FGF14: variants seen among roughly 807,000 people sequenced by gnomAD.
The protein encoded by FGF14 is fibroblast growth factor homologous factor 4.
In FGF14, 5 loss-of-function variants were observed where a neutral mutation model predicts 25.5. The observed-to-expected ratio is 0.20, with a 90% CI of 0.10 to 0.41. The LOEUF (loss-of-function observed/expected upper bound fraction) is 0.41, where lower values mean the gene tolerates loss of function less well. Ranked by LOEUF, FGF14 falls within the 10% of genes least tolerant of loss-of-function variation. The pLI, the probability that FGF14 is intolerant of heterozygous loss-of-function variation, is 1.00. For synonymous variants in FGF14, 138 were observed against 118.3 expected (o/e 1.17, Z -1.08); for missense variants, 222 against 320.1 (o/e 0.69, Z 2.34).
intron 1 of FGF14, among the ~76,000 whole-genome samples, chr13:102,383,493 G>GTA (rs2139187682): frequency 6.6e-6 from 1 of 152,228 alleles, no homozygotes; most frequent in East Asian, 1.9e-4. Context: ...ACTTAAAAAT[G>GTA]TACCCAACTT....
intron 1 of FGF14, among the ~76,000 whole-genome samples, chr13:101,908,521 C>G (rs565715437): frequency 6.6e-6 from 1 of 152,164 alleles, no homozygotes; most frequent in East Asian, 1.9e-4. Flanking sequence ...TTGTTAAATA[C>G]ATTAATAATT....
chr13:101,908,214 G>A (rs1011573245), intron 1 of FGF14, among the ~76,000 whole-genome samples: 7 of 152,130 alleles, frequency 4.6e-5, no homozygotes, highest in East Asian at 1.9e-4. Context: ...ATGTGTCTGC[G>A]TATTTTTCTT....
intron 1 of FGF14, among the ~76,000 whole-genome samples, chr13:101,899,237 C>G (rs770635036): frequency 4.6e-5 from 7 of 152,024 alleles, no homozygotes; most frequent in Non-Finnish European, 8.8e-5. Context: ...ACGATAAAAT[C>G]ATAGCTTCTA....
intron 1 of FGF14, among the ~76,000 whole-genome samples, chr13:102,177,916 GA>G (rs1317913523): frequency 1.3e-5 from 2 of 151,966 alleles, no homozygotes; most frequent in African/African-American, 4.8e-5. Flanking sequence ...AAGTATATAT[GA>G]AAATATCACA....
At chr13:102,201,624 T>C (rs940869471) in intron 1 of FGF14, among the ~76,000 whole-genome samples, 6 of 152,148 alleles carry the variant, frequency 3.9e-5, no homozygotes, top group African/African-American at 1.4e-4. Context: ...AAACCTTAGA[T>C]GGTCCAGAAA....
intron 1 of FGF14, among the ~76,000 whole-genome samples, chr13:102,378,625 ATC>A (rs200079360): frequency 0.043 from 5,935 of 137,570 alleles, 203 homozygotes; most frequent in East Asian, 0.088. Flanking sequence ...CTATCTATCT[ATC>A]TATCTATATA....
At chr13:102,126,475 C>A (rs1362366711) in intron 1 of FGF14, among the ~76,000 whole-genome samples, 1 of 152,158 alleles carries the variant, frequency 6.6e-6, no homozygotes, top group Admixed American at 6.6e-5. Flanking sequence ...TGTTGATGGA[C>A]ATTTAGTTTC....
At chr13:101,965,615 GT>G (rs2037141424) in intron 1 of FGF14, among the ~76,000 whole-genome samples, 1 of 150,738 alleles carries the variant, frequency 6.6e-6, no homozygotes, top group Non-Finnish European at 1.5e-5. Context: ...AGAATAAAAC[GT>G]TGTTTTCCAG....
intron 1 of FGF14, among the ~76,000 whole-genome samples, chr13:102,223,365 C>T (rs1277749747): frequency 6.6e-6 from 1 of 152,152 alleles, no homozygotes; most frequent in African/African-American, 2.4e-5. Flanking sequence ...ATCCAAAAGG[C>T]ACCAAAATTA....
At chr13:101,932,052 A>C (rs923524558) in intron 1 of FGF14, among the ~76,000 whole-genome samples, 2 of 152,182 alleles carry the variant, frequency 1.3e-5, no homozygotes, top group Non-Finnish European at 2.9e-5. Context: ...ATTCCATTAA[A>C]ATTAAGGCAA....
chr13:101,958,357 G>A (rs2036634897), intron 1 of FGF14, among the ~76,000 whole-genome samples: 1 of 152,214 alleles, frequency 6.6e-6, no homozygotes, highest in Non-Finnish European at 1.5e-5. Context: ...GCCAGCCCCT[G>A]GCAAAATTGT....
chr13:101,772,510 C>T (rs556949691), intron 3 of FGF14, among the ~76,000 whole-genome samples: 57 of 152,076 alleles, frequency 3.7e-4, no homozygotes, highest in Non-Finnish European at 7.2e-4. Context: ...GCTAGAAAAG[C>T]TTTGGTTTCT....
At chr13:101,953,752 G>A (rs2036330579) in intron 1 of FGF14, among the ~76,000 whole-genome samples, 1 of 151,556 alleles carries the variant, frequency 6.6e-6, no homozygotes, top group Non-Finnish European at 1.5e-5. Context: ...CAACACGGCT[G>A]GCTAATTTTG....
intron 1 of FGF14, among the ~76,000 whole-genome samples, chr13:102,021,991 T>A (rs554916052): frequency 6.6e-6 from 1 of 152,192 alleles, no homozygotes; most frequent in East Asian, 1.9e-4. Context: ...ATCAGTGATG[T>A]CATGATTCAC....
chr13:102,135,017 C>CCCCA, intron 1 of FGF14, among the ~76,000 whole-genome samples: 1 of 142,660 alleles, frequency 7.0e-6, no homozygotes, highest in South Asian at 2.3e-4. Flanking sequence ...GACCCCGTGT[C>CCCCA]CACACACACA....
chr13:102,149,089 G>A (rs2046973240), intron 1 of FGF14, among the ~76,000 whole-genome samples: 2 of 152,054 alleles, frequency 1.3e-5, no homozygotes, highest in Non-Finnish European at 2.9e-5. Flanking sequence ...TAAGCTATAT[G>A]CTAAGTGCTT....
rs145887899 is a variant in FGF14, at chr13:101,851,209, C to T, written c.408+17516G>A. 6.6e-3 allele frequency among the ~76,000 whole-genome samples: 1,007 copies of T among 152,098 alleles called. 12 individuals are homozygous for T. The highest frequency in any genetic ancestry group is 8.8e-3 in the Non-Finnish European group (595 of 67,964). On this transcript the variant is annotated intron_variant, in intron 3 of 4. Transcript: ENST00000376143. ...GGGACAATGAACACAGAGACAGAGA[C>T]AGGCACACAGGCGGATTTACCTAGT...
In FGF14 at chr13:102,400,935, G is replaced by C. The variant is rs1438321944; in HGVS notation, c.208+536C>G. On this transcript the variant is annotated intron_variant, in intron 1 of 4. Transcript: ENST00000376131. This position sits in a 1 kb window ranked among gnomAD's most constrained non-coding sequence, Gnocchi z 4.3. The stretch of plus-strand genomic sequence containing the variant: ...ATGCTCGGGCACCCGGAGCTGGACG[G>C]GGGAGGGACGCGGGGGCTGACGGAG... Among the ~76,000 whole-genome samples, 1 of 152,172 alleles carries C rather than the reference G, an allele frequency of 6.6e-6. No homozygotes were observed. Among genetic ancestry groups the C allele is most frequent in the Non-Finnish European group, 1.5e-5 (1 of 68,036 alleles).
At chr13:101,971,101 A>AC (rs2037561530) in intron 1 of FGF14, among the ~76,000 whole-genome samples, 1 of 152,138 alleles carries the variant, frequency 6.6e-6, no homozygotes, top group Admixed American at 6.5e-5. Context: ...AGTTCCCTTC[A>AC]CCCCAATAGA....
Sources: allele counts gnomAD v4.1 joint callset (sites outside exome capture counted in the v4.1 genomes callset), GRCh38; gene constraint gnomAD v4.1.1; non-coding constraint Gnocchi (gnomAD v3.1); transcripts MANE v1.5; gene names NCBI Gene and HGNC (gene_info 2026-07-23, HGNC 2026-07-21).